Variants in PARP8 observed in about 807,000 individuals in gnomAD.
The protein encoded by PARP8 is protein mono-ADP-ribosyltransferase PARP8.
PARP8 carries 51 observed loss-of-function variants against 124.1 expected under a neutral mutation model. The ratio of observed to expected loss-of-function variants is 0.41; its 90% CI spans 0.33 to 0.52. The LOEUF is 0.52. PARP8 is among the 20% of genes least tolerant of loss of function. The probability of loss-of-function intolerance (pLI) is 0.21; values close to 1 mark genes in which losing one functional copy is unlikely to be tolerated. For synonymous variants in PARP8, 391 were observed against 361.5 expected (o/e 1.08, Z -0.93); for missense variants, 860 against 1,018.9 (o/e 0.84, Z 2.12).
chr5:50,681,941 C>T (rs1025249336), intron 2 of PARP8, among the ~76,000 whole-genome samples: 3 of 152,040 alleles, frequency 2.0e-5, no homozygotes, highest in Non-Finnish European at 4.4e-5. Context: ...ACACAAAAGA[C>T]CTGAGAGAAC....
At position 50,666,789 on chromosome 5, in the gene PARP8, A is replaced by C; in HGVS notation, c.-307A>C. 9.9e-7 allele frequency: 1 copy of C among 1,007,688 alleles called. No individual in the cohort carries two copies. The highest frequency in any genetic ancestry group is 1.3e-6 in the Non-Finnish European group (1 of 795,338). The allele number at this position is 1,007,688 out of a possible 1,614,324, so 62.4% of individuals were successfully genotyped here. A position where few individuals can be genotyped will look rare whatever the true frequency, so the allele number is the denominator to read the frequency against. On this transcript the variant is annotated 5_prime_UTR_variant, in exon 1 of 26. Coordinates refer to ENST00000281631, the MANE Select transcript of PARP8 (RefSeq NM_024615.4). ...GGCCGTTGGTCCGGGCGGGTGAGGGAGAAAGTGAGACTTGGTGTCATCACC... is the reference window on the plus strand; with the variant it reads ...GGCCGTTGGTCCGGGCGGGTGAGGGCGAAAGTGAGACTTGGTGTCATCACC...
intron 10 of PARP8, among the ~76,000 whole-genome samples, chr5:50,791,208 A>G (rs1197121443): frequency 6.6e-6 from 1 of 152,212 alleles, no homozygotes; most frequent in Non-Finnish European, 1.5e-5. Flanking sequence ...TTTTATCAAC[A>G]ATAGCAACAG....
chr5:50,667,224 C>A (rs780933020), intron 1 of PARP8, 38 bp downstream of exon 1: 5 of 1,591,026 alleles, frequency 3.1e-6, no homozygotes, highest in Non-Finnish European at 3.4e-6. Context: ...GACCCAGCGC[C>A]CCCTTCCCAG....
intron 2 of PARP8, among the ~76,000 whole-genome samples, chr5:50,703,939 T>C (rs940595432): frequency 6.6e-6 from 1 of 152,110 alleles, no homozygotes; most frequent in Non-Finnish European, 1.5e-5. Context: ...TTTCCATATT[T>C]AAACATGATT....
chr5:50,681,198 A>G (rs1751252280), intron 2 of PARP8, among the ~76,000 whole-genome samples: 1 of 152,078 alleles, frequency 6.6e-6, no homozygotes, highest in African/African-American at 2.4e-5. Flanking sequence ...CAAGAACTTA[A>G]TGAATCTTAA....
chr5:50,800,793 G>T (rs1485174250), intron 14 of PARP8, among the ~76,000 whole-genome samples: 1 of 142,084 alleles, frequency 7.0e-6, no homozygotes, highest in Non-Finnish European at 1.5e-5. Context: ...GTCTTACTCT[G>T]TCACTCATGT....
intron 25 of PARP8, among the ~76,000 whole-genome samples, chr5:50,838,000 T>C (rs1374938292): frequency 1.3e-5 from 2 of 150,374 alleles, no homozygotes; most frequent in African/African-American, 4.8e-5. Flanking sequence ...ACTAGGACAT[T>C]GAGACCCATA....
At chr5:50,757,227 G>T (rs1439002907) in intron 3 of PARP8, 1 of 452,010 alleles carries the variant, frequency 2.2e-6, no homozygotes, top group East Asian at 7.0e-5. Flanking sequence ...TAAAGTAGAA[G>T]AAATAGATAA....
Position 50,715,554 on chromosome 5 carries a change from T to C in PARP8, c.147-34597T>C, listed in dbSNP as rs1392085381. Among the ~76,000 whole-genome samples, 6 of 151,936 alleles carry C rather than the reference T, an allele frequency of 3.9e-5. No individual in the cohort carries two copies. In the East Asian group the frequency reaches 1.2e-3, roughly 29 times the overall value. Reference sequence around the variant, plus strand: ...TTACTGCAAATAAAGATGACCAAAATTGGTCACTTAATAAGTAACAGATAA... The same window carrying C: ...TTACTGCAAATAAAGATGACCAAAACTGGTCACTTAATAAGTAACAGATAA... On this transcript the variant is annotated intron_variant, in intron 2 of 25. Transcript: ENST00000281631.
At chr5:50,800,325 G>A (rs1743057231) in intron 14 of PARP8, among the ~76,000 whole-genome samples, 1 of 152,002 alleles carries the variant, frequency 6.6e-6, no homozygotes, top group Admixed American at 6.6e-5. Flanking sequence ...GCTCTATTAA[G>A]TTATTTTTGG....
chr5:50,835,178 T>C lies in PARP8; in HGVS notation c.2462+163T>C, dbSNP rs546117074. On this transcript the variant is annotated intron_variant, in intron 25 of 25. Coordinates refer to ENST00000281631, the MANE Select transcript of PARP8 (RefSeq NM_024615.4). ...TATTTTCAGTAAGCCATTAAAAAAATCTAAATAATTTTTAAATGCTGTTAA... is the reference window on the plus strand; with the variant it reads ...TATTTTCAGTAAGCCATTAAAAAAACCTAAATAATTTTTAAATGCTGTTAA... 3.3e-5 allele frequency among the ~76,000 whole-genome samples: 5 copies of C among 152,264 alleles called. No individual in the cohort carries two copies. In the East Asian group the frequency reaches 7.7e-4, roughly 23 times the overall value.
At chr5:50,837,795 TA>T (rs927729136) in intron 25 of PARP8, among the ~76,000 whole-genome samples, 38 of 146,676 alleles carry the variant, frequency 2.6e-4, no homozygotes, top group African/African-American at 5.0e-4. Flanking sequence ...AGATATCAAT[TA>T]AAAAAAAAAG....
intron 15 of PARP8, among the ~76,000 whole-genome samples, chr5:50,816,701 G>A (rs185908222): frequency 3.3e-5 from 5 of 152,044 alleles, no homozygotes; most frequent in South Asian, 2.1e-4. Flanking sequence ...CTATAGCTTC[G>A]TATTTCCCCC....
In PARP8 at chr5:50,666,942, C is replaced by T; in HGVS notation, c.-154C>T. The T allele has an allele frequency of 1.0e-6, 1 of 1,002,844 alleles. No individual in the cohort carries two copies. Among genetic ancestry groups the T allele is most frequent in the South Asian group, 1.5e-5 (1 of 65,044 alleles). 62.1% of individuals were successfully genotyped at this position (1,002,844 alleles called of 1,614,324 possible). ...CTCCCCCTCCTCCTCCTCCTCTTCT[C>T]TCACCCAGGATCACTTCCGAAACCA... On this transcript the variant is annotated 5_prime_UTR_variant, in exon 1 of 26. Transcript: ENST00000281631.
At chr5:50,835,116 A>T (rs1380451109) in intron 25 of PARP8, 101 bp downstream of exon 25, 8 of 855,280 alleles carry the variant, frequency 9.4e-6, no homozygotes, top group Admixed American at 2.4e-5. Context: ...AAAATATAAC[A>T]GGTAATTGAG....
chr5:50,707,917 T>G (rs1395195397), intron 2 of PARP8, among the ~76,000 whole-genome samples: 1 of 152,134 alleles, frequency 6.6e-6, no homozygotes, highest in Non-Finnish European at 1.5e-5. Flanking sequence ...GTATTTATCT[T>G]TCTTACATTT....
Position 50,843,523 on chromosome 5 carries a change from T to C in PARP8, c.*1455T>C, listed in dbSNP as rs1443215270. On this transcript the variant is annotated 3_prime_UTR_variant, in exon 26 of 26. Transcript: ENST00000281631. Reference sequence around the variant, plus strand: ...AGTGTTTTCTAATAATTTGTTTTGTTATATTGCAAATAATTGATATGCCAC... The same window carrying C: ...AGTGTTTTCTAATAATTTGTTTTGTCATATTGCAAATAATTGATATGCCAC... 1 of 151,802 alleles carries C rather than the reference T, an allele frequency of 6.6e-6. No individual in the cohort carries two copies. The highest frequency in any genetic ancestry group is 1.5e-5 in the Non-Finnish European group (1 of 67,836). The allele number at this position is 151,802 out of a possible 1,614,324, so 9.4% of individuals were successfully genotyped here.
chr5:50,735,821 C>T (rs1757413210), intron 2 of PARP8, among the ~76,000 whole-genome samples: 1 of 149,982 alleles, frequency 6.7e-6, no homozygotes, highest in African/African-American at 2.5e-5. Context: ...TGGTATAGGG[C>T]TTTATAAAGG....
intron 2 of PARP8, among the ~76,000 whole-genome samples, chr5:50,691,198 C>A (rs1308536257): frequency 2.0e-5 from 3 of 152,146 alleles, no homozygotes; most frequent in African/African-American, 7.2e-5. Flanking sequence ...CAAGTAAAAC[C>A]TCTCTGGTTT....
Sources: allele counts gnomAD v4.1 joint callset (sites outside exome capture counted in the v4.1 genomes callset), GRCh38; gene constraint gnomAD v4.1.1; transcripts MANE v1.5; gene names NCBI Gene and HGNC (gene_info 2026-07-23, HGNC 2026-07-21).